TIMM9: variants seen among roughly 807,000 people sequenced by gnomAD.
TIMM9 encodes the protein mitochondrial import inner membrane translocase subunit Tim9.
A neutral mutation model predicts 13.4 loss-of-function variants in TIMM9; 10 were observed. The observed-to-expected ratio is 0.75, with a 90% CI of 0.46 to 1.26. The LOEUF (loss-of-function observed/expected upper bound fraction) is 1.26. TIMM9 is among the 50% of genes most tolerant of loss of function. The probability of loss-of-function intolerance (pLI) is 0.00; values close to 1 mark genes in which losing one functional copy is unlikely to be tolerated. For synonymous variants in TIMM9, 32 were observed against 32.1 expected (o/e 1.00, Z 0.01); for missense variants, 87 against 100.8 (o/e 0.86, Z 0.58).
At chr14:58,421,945 G>C (rs2036598517) in intron 3 of TIMM9, among the ~76,000 whole-genome samples, 1 of 151,394 alleles carries the variant, frequency 6.6e-6, no homozygotes, top group Non-Finnish European at 1.5e-5. Context: ...CAGCAAACTG[G>C]ACTTTCTACA....
chr14:58,424,184 TA>T (rs1244357981), intron 2 of TIMM9, 89 bp from the exon 3 acceptor site: 3 of 152,260 alleles, frequency 2.0e-5, no homozygotes, highest in African/African-American at 4.8e-5. Context: ...GCTAATCATT[TA>T]TTTTTTTAAA....
chr14:58,409,320 TTTAA>T (rs1427064454), intron 5 of TIMM9, 152 bp from the exon 6 acceptor site: 4 of 815,792 alleles, frequency 4.9e-6, no homozygotes, highest in Non-Finnish European at 7.4e-6. Flanking sequence ...GACCATAGCT[TTTAA>T]TTGATACTTT....
intron 3 of TIMM9, among the ~76,000 whole-genome samples, chr14:58,416,553 G>A (rs181834708): frequency 1.2e-4 from 18 of 152,270 alleles, no homozygotes; most frequent in African/African-American, 3.1e-4. Flanking sequence ...GTTTCTAAAC[G>A]AAGAAAATGA....
At chr14:58,425,080 A>G (rs1240745883) in intron 2 of TIMM9, among the ~76,000 whole-genome samples, 1 of 152,136 alleles carries the variant, frequency 6.6e-6, no homozygotes, top group African/African-American at 2.4e-5. Flanking sequence ...CAAAAGTGTC[A>G]GTCATAAAGA....
chr14:58,411,396 C>T (rs1393185742), intron 4 of TIMM9, among the ~76,000 whole-genome samples: 1 of 151,388 alleles, frequency 6.6e-6, no homozygotes, highest in Non-Finnish European at 1.5e-5. Context: ...TGCAGTGAAC[C>T]AAGATCGTGC....
rs370662709 is a variant in TIMM9 at position 58,423,347 on chromosome 14, G to A, written c.-27+661C>T. On this transcript the variant is annotated intron_variant, in intron 3 of 5. Transcript: ENST00000395159. ...AGCCTGGCCAACATGGTGAAACCCCGTCTCTACTAAAAATACAAAAATTAG... is the reference window on the plus strand; with the variant it reads ...AGCCTGGCCAACATGGTGAAACCCCATCTCTACTAAAAATACAAAAATTAG... Among the ~76,000 whole-genome samples the A allele has an allele frequency of 6.0e-5, 9 of 150,866 alleles. 1 individual carries two copies. The South Asian group carries it at 8.4e-4, about 14-fold the overall frequency.
intron 3 of TIMM9, among the ~76,000 whole-genome samples, chr14:58,413,007 TATTTTAA>T (rs1206866291): frequency 1.3e-5 from 2 of 152,144 alleles, no homozygotes; most frequent in African/African-American, 4.8e-5. Context: ...CCAAATTGCT[TATTTTAA>T]ATTTTTTACT....
Position 58,410,940 on chromosome 14 carries a change from TACAA to T in TIMM9, c.40-6_40-3del, listed in dbSNP as rs1161070687. ...GTAGGTCCCCAGAAATTCCTTAAACTACAAACAAACCAGAATGTTCTTTAGTATT... is the reference window on the plus strand; with the variant it reads ...GTAGGTCCCCAGAAATTCCTTAAACTACAAACCAGAATGTTCTTTAGTATT... On this transcript the variant is annotated splice_region_variant and splice_polypyrimidine_tract_variant and intron_variant, in intron 4 of 5. Coordinates refer to ENST00000395159, the MANE Select transcript of TIMM9 (RefSeq NM_012460.4). The T allele has an allele frequency of 3.1e-6, 5 of 1,606,722 alleles. No individual in the cohort carries two copies. Among genetic ancestry groups the T allele is most frequent in the African/African-American group, 2.7e-5 (2 of 74,662 alleles).
intron 3 of TIMM9, among the ~76,000 whole-genome samples, chr14:58,419,692 G>A (rs1284911768): frequency 6.6e-6 from 1 of 151,946 alleles, no homozygotes; most frequent in Admixed American, 6.6e-5. Flanking sequence ...GATGGCTTGA[G>A]GCCAGGAATT....
At chr14:58,409,679 C>T (rs1161697057) in intron 5 of TIMM9, among the ~76,000 whole-genome samples, 1 of 151,758 alleles carries the variant, frequency 6.6e-6, no homozygotes, top group Non-Finnish European at 1.5e-5. Flanking sequence ...CCTGAGTTCA[C>T]GCCATTCTCC....
chr14:58,419,561 A>G (rs957947667), intron 3 of TIMM9, among the ~76,000 whole-genome samples: 14 of 151,834 alleles, frequency 9.2e-5, no homozygotes, highest in Middle Eastern at 3.4e-3. Flanking sequence ...GATTTTTGGG[A>G]AAAAAAGATG....
chr14:58,420,809 A>G (rs1197909153), intron 3 of TIMM9, among the ~76,000 whole-genome samples: 2 of 151,928 alleles, frequency 1.3e-5, no homozygotes, highest in South Asian at 2.1e-4. Flanking sequence ...AAAAAAAAAA[A>G]AAAACAAGCT....
intron 2 of TIMM9, among the ~76,000 whole-genome samples, chr14:58,424,891 C>T (rs919674828): frequency 5.3e-5 from 8 of 151,848 alleles, no homozygotes; most frequent in Non-Finnish European, 8.8e-5. Context: ...TAAGCTAAGT[C>T]ATAAAACCTA....
rs1658037309 is a variant in TIMM9 at position 58,427,527 on chromosome 14, A to G, written c.-439T>C. On this transcript the variant is annotated 5_prime_UTR_variant, in exon 1 of 6. Coordinates refer to ENST00000395159, the MANE Select transcript of TIMM9 (RefSeq NM_012460.4). ...GAGCGGTCTTGTGCGGCAATGTGCT[A>G]CCTTAAAATAAATAAATAAATAAAC... The G allele has an allele frequency of 2.0e-6, 3 of 1,479,678 alleles. No homozygotes were observed. The highest frequency in any genetic ancestry group is 2.0e-5 in the Admixed American group (1 of 50,522). The allele number at this position is 1,479,678 out of a possible 1,614,324, so 91.7% of individuals were successfully genotyped here.
At chr14:58,418,286 A>G (rs1305272594) in intron 3 of TIMM9, among the ~76,000 whole-genome samples, 1 of 152,204 alleles carries the variant, frequency 6.6e-6, no homozygotes, top group African/African-American at 2.4e-5. Context: ...ATTCATAGCA[A>G]AATATCTCAG....
Position 58,427,239 on chromosome 14 carries a change from A to C in TIMM9, c.-300T>G, listed in dbSNP as rs370730787. On this transcript the variant is annotated 5_prime_UTR_variant, in exon 2 of 6. Coordinates refer to ENST00000395159, the MANE Select transcript of TIMM9 (RefSeq NM_012460.4). ...GACGCCGATTCGTTATAACGCGAGG[A>C]AATCTAGAAGAAAAAGCAGGTACCA... is the stretch of plus-strand genomic sequence containing the variant. 2.4e-5 allele frequency: 5 copies of C among 207,894 alleles called. 1 individual carries two copies. The allele number at this position is 207,894 out of a possible 1,614,324, so 12.9% of individuals were successfully genotyped here. A position where few individuals can be genotyped will look rare whatever the true frequency, so the allele number is the denominator to read the frequency against.
chr14:58,416,117 A>C (rs2036401258), intron 3 of TIMM9, among the ~76,000 whole-genome samples: 1 of 151,970 alleles, frequency 6.6e-6, no homozygotes, highest in South Asian at 2.1e-4. Flanking sequence ...AATCCCAGCT[A>C]CTCAGGTGGC....
chr14:58,409,244 TC>T, intron 5 of TIMM9, 76 bp from the exon 6 acceptor site: 2 of 1,537,230 alleles, frequency 1.3e-6, no homozygotes, highest in Non-Finnish European at 8.8e-7. Flanking sequence ...TCTAAAAGAA[TC>T]AGTGGGGTAG....
At chr14:58,419,530 A>AC (rs1566752526) in intron 3 of TIMM9, among the ~76,000 whole-genome samples, 5 of 148,268 alleles carry the variant, frequency 3.4e-5, no homozygotes, top group African/African-American at 1.2e-4. Context: ...CACACACACA[A>AC]AAATACACTC....
Sources: allele counts gnomAD v4.1 joint callset (sites outside exome capture counted in the v4.1 genomes callset), GRCh38; gene constraint gnomAD v4.1.1; transcripts MANE v1.5; gene names NCBI Gene and HGNC (gene_info 2026-07-23, HGNC 2026-07-21).